SPHKAP: variants seen among roughly 807,000 people sequenced by gnomAD.
SPHKAP encodes SPHK1 interactor, AKAP domain containing.
Under a neutral mutation model 137.5 loss-of-function variants are expected in SPHKAP, and 67 were observed. That is an observed-to-expected ratio of 0.49 (90% CI 0.40 to 0.60). The LOEUF (loss-of-function observed/expected upper bound fraction) is 0.60. Among genes scored for constraint, SPHKAP ranks in the 20% least tolerant of loss-of-function variants. The pLI is 0.00. For synonymous variants in SPHKAP, 813 were observed against 785.3 expected, an observed-to-expected ratio of 1.04 and a Z score of -0.59; for missense variants, 2,097 against 2,069.3, an observed-to-expected ratio of 1.01 and a Z score of -0.26.
At position 228,017,005 on chromosome 2, in the gene SPHKAP, G is replaced by A. The variant is rs146297248; in HGVS notation, c.3849C>T (p.Ser1283=). The change falls in exon 7 of 12, where the codon TCC becomes TCT. Residue 1283 remains serine (S), a synonymous_variant. Transcript: ENST00000392056. Reference sequence around the variant, plus strand: ...AGCAAGAGTCAGATTTGCAGAGACCGGATGAGGACGCGCTACTGACCGGCT... The same window carrying A: ...AGCAAGAGTCAGATTTGCAGAGACCAGATGAGGACGCGCTACTGACCGGCT... The part of the protein sequence containing the change: ...SVQPVSSASS[S]GLCKSDSCLY... The A allele has an allele frequency of 1.7e-5, 28 of 1,614,140 alleles. No individual in the cohort carries two copies. The East Asian group carries it at 2.5e-4, about 14-fold the overall frequency.
intron 3 of SPHKAP, among the ~76,000 whole-genome samples, chr2:228,057,743 G>A (rs1696496983): frequency 6.6e-6 from 1 of 152,286 alleles, no homozygotes; most frequent in African/African-American, 2.4e-5. Context: ...CTGAACAGAA[G>A]AATGGTGGAT....
chr2:228,098,154 T>A (rs73098614), intron 3 of SPHKAP, among the ~76,000 whole-genome samples: 41 of 152,302 alleles, frequency 2.7e-4, no homozygotes, highest in South Asian at 1.9e-3. Context: ...ATTTTTTTTT[T>A]AAATCTTAAC....
intron 8 of SPHKAP, 28 bp from the exon 9 acceptor site, chr2:227,993,648 T>A (rs1693507723): frequency 6.5e-7 from 1 of 1,543,708 alleles, no homozygotes; most frequent in Admixed American, 1.9e-5. Flanking sequence ...TACATATTAA[T>A]GCCCGTCTCC....
Position 227,991,295 on chromosome 2 carries a change from C to G in SPHKAP, c.4753G>C (p.Gly1585Arg). Residue 1585 changes from glycine (G) to arginine (R), a missense_variant, in exon 10 of 12, where the codon GGA (glycine) becomes CGA (arginine). By Grantham distance (125) the Gly-to-Arg change is moderately radical. Coordinates refer to ENST00000392056, the MANE Select transcript of SPHKAP (RefSeq NM_001142644.2). Reference protein sequence around the residue: ...ELVEEKKILKGQSESTEAPAS... With the variant: ...ELVEEKKILKRQSESTEAPAS... ...TTACCCTCTGTGCTTTCTGACTGTC[C>G]TTTAAGAATCTTCTTTTCTTCTACT... 1.9e-6 allele frequency: 3 copies of G among 1,614,194 alleles called. No homozygotes were observed. The highest frequency in any genetic ancestry group is 2.5e-6 in the Non-Finnish European group (3 of 1,180,016).
At chr2:228,060,100 C>T (rs1307638530) in intron 3 of SPHKAP, among the ~76,000 whole-genome samples, 1 of 152,144 alleles carries the variant, frequency 6.6e-6, no homozygotes, top group East Asian at 1.9e-4. Context: ...TTAACCACTA[C>T]ATCACCATGG....
rs1402346251 is a variant in SPHKAP at position 228,092,103 on chromosome 2, ATATATACACATATATACATATACG to A, written c.246+16705_246+16728del. On this transcript the variant is annotated intron_variant, in intron 3 of 11. Transcript: ENST00000392056. The stretch of plus-strand genomic sequence containing the variant: ...TGTATATATATGTGTGTATATATGT[ATATATACACATATATACATATACG>A]TATATGTGTGTACACATATATACAT... 3.2e-4 allele frequency among the ~76,000 whole-genome samples: 46 copies of A among 144,458 alleles called. 1 individual carries two copies. Among genetic ancestry groups the A allele is most frequent in the African/African-American group, 1.1e-3 (44 of 39,002 alleles). 94.8% of individuals were successfully genotyped at this position (144,458 alleles called of 152,430 possible).
At chr2:228,151,088 C>T (rs1307684590) in intron 1 of SPHKAP, among the ~76,000 whole-genome samples, 1 of 142,156 alleles carries the variant, frequency 7.0e-6, no homozygotes, top group East Asian at 2.4e-4. Flanking sequence ...CCCCGCTCCC[C>T]CCACCCCACC....
At position 228,010,090 on chromosome 2, in the gene SPHKAP, C is replaced by G. The variant is rs1302186516; in HGVS notation, c.4448+6316G>C. Among the ~76,000 whole-genome samples the G allele has an allele frequency of 2.0e-5, 3 of 152,118 alleles. 1 individual carries two copies. The highest frequency in any genetic ancestry group is 4.4e-5 in the Non-Finnish European group (3 of 68,026). ...ACTGAACTCTGCTCAGGATTTCCCTCTTGGCATTATTGTCTGAAAAGGCAA... is the reference window on the plus strand; with the variant it reads ...ACTGAACTCTGCTCAGGATTTCCCTGTTGGCATTATTGTCTGAAAAGGCAA... On this transcript the variant is annotated intron_variant, in intron 7 of 11. Coordinates refer to ENST00000392056, the MANE Select transcript of SPHKAP (RefSeq NM_001142644.2).
At chr2:228,117,497 C>T (rs922253865) in intron 2 of SPHKAP, among the ~76,000 whole-genome samples, 1 of 152,032 alleles carries the variant, frequency 6.6e-6, no homozygotes, top group Admixed American at 6.6e-5. Context: ...ATGTGAGTGG[C>T]TCATTGGACT....
chr2:228,144,403 T>C (rs1699709216), intron 1 of SPHKAP, among the ~76,000 whole-genome samples: 1 of 152,224 alleles, frequency 6.6e-6, no homozygotes, highest in Non-Finnish European at 1.5e-5. Context: ...GCCTGGCATA[T>C]TGTAAATGCT....
chr2:228,065,661 C>T (rs916757544), intron 3 of SPHKAP, among the ~76,000 whole-genome samples: 1 of 152,188 alleles, frequency 6.6e-6, no homozygotes, highest in Non-Finnish European at 1.5e-5. Flanking sequence ...TTTAAGGCTA[C>T]TACTGCTGAT....
chr2:228,129,960 C>T (rs1050804550), intron 2 of SPHKAP, among the ~76,000 whole-genome samples: 5 of 151,934 alleles, frequency 3.3e-5, no homozygotes, highest in African/African-American at 1.2e-4. Flanking sequence ...CCATGCCCAG[C>T]TAACTTTTGT....
At chr2:228,041,666 GAAA>G (rs1695854758) in intron 3 of SPHKAP, among the ~76,000 whole-genome samples, 16 of 132,144 alleles carry the variant, frequency 1.2e-4, no homozygotes, top group African/African-American at 4.3e-4. Flanking sequence ...AAAAAAAAAA[GAAA>G]AAAGAAAACA....
rs533651325 is a variant in SPHKAP at position 228,045,055 on chromosome 2, C to T, written c.247-17512G>A. 1.1e-4 allele frequency among the ~76,000 whole-genome samples: 16 copies of T among 152,084 alleles called. No individual in the cohort carries two copies. In the East Asian group the frequency reaches 1.9e-3, roughly 18 times the overall value. ...AATCAAAACCACGATGAGATACCAT[C>T]TCACACCAGTTAGAATGGCAATCAT... On this transcript the variant is annotated intron_variant, in intron 3 of 11. Transcript: ENST00000392056.
intron 1 of SPHKAP, among the ~76,000 whole-genome samples, chr2:228,143,069 A>C (rs1287831819): frequency 2.0e-5 from 3 of 152,106 alleles, no homozygotes; most frequent in East Asian, 1.9e-4. Context: ...ATTAAAAAAA[A>C]CCCTAAACAT....
At chr2:228,054,506 G>A (rs1258746741) in intron 3 of SPHKAP, among the ~76,000 whole-genome samples, 1 of 152,106 alleles carries the variant, frequency 6.6e-6, no homozygotes. Flanking sequence ...TTACAGACTT[G>A]CAATCAGATA....
At chr2:228,003,107 G>C (rs1243525156) in intron 7 of SPHKAP, among the ~76,000 whole-genome samples, 1 of 152,216 alleles carries the variant, frequency 6.6e-6, no homozygotes, top group Non-Finnish European at 1.5e-5. Context: ...TGTGAAGAAA[G>C]TCATTGGTAG....
chr2:228,014,562 T>C (rs1339181153), intron 7 of SPHKAP, among the ~76,000 whole-genome samples: 1 of 152,232 alleles, frequency 6.6e-6, no homozygotes, highest in Non-Finnish European at 1.5e-5. Context: ...CAGGATTTCA[T>C]CCAATTGGAA....
At chr2:228,097,498 C>G (rs184466435) in intron 3 of SPHKAP, among the ~76,000 whole-genome samples, 3 of 152,082 alleles carry the variant, frequency 2.0e-5, no homozygotes, top group African/African-American at 7.2e-5. Flanking sequence ...TGAAATGCAT[C>G]ATTTATTTTT....
Sources: gnomAD v4.1 joint callset for allele counts (sites outside exome capture counted in the v4.1 genomes callset) on GRCh38, gnomAD v4.1.1 for gene constraint, MANE v1.5 for transcripts, NCBI Gene and HGNC (gene_info 2026-07-23, HGNC 2026-07-21) for gene names.